The following ZSCAN5A variants were observed in gnomAD, a reference collection of about 807,000 sequenced individuals.
ZSCAN5A encodes zinc finger and SCAN domain containing 5A.
In ZSCAN5A, 12 loss-of-function variants were observed where a neutral mutation model predicts 23.7. That is an observed-to-expected ratio of 0.51 (90% CI 0.32 to 0.82). The LOEUF is 0.82. Among genes scored for constraint, ZSCAN5A ranks in the 40% least tolerant of loss-of-function variants. The pLI, the probability that ZSCAN5A is intolerant of heterozygous loss-of-function variation, is 0.03. For synonymous variants in ZSCAN5A, 257 were observed against 239.9 expected, an observed-to-expected ratio of 1.07 and a Z score of -0.66; for missense variants, 597 against 617.9, an observed-to-expected ratio of 0.97 and a Z score of 0.36.
At position 56,230,615 on chromosome 19, in the gene ZSCAN5A, A is replaced by ATATG. The variant is rs778155664; in HGVS notation, c.-127-5443_-127-5442insCATA. On this transcript the variant is annotated intron_variant, in intron 2 of 5. Coordinates refer to ENST00000683990, the MANE Select transcript of ZSCAN5A (RefSeq NM_001322064.3). ...CATCTGGCTTTCTTTTTATTTCTTGATGTGTGTGTGTGTGTGTGTGTGTGT... is the reference window on the plus strand; with the variant it reads ...CATCTGGCTTTCTTTTTATTTCTTGATATGTGTGTGTGTGTGTGTGTGTGTGTGT... Among the ~76,000 whole-genome samples the ATATG allele has an allele frequency of 1.0e-2, 1,472 of 147,674 alleles. 26 individuals carry two copies. Among genetic ancestry groups the ATATG allele is most frequent in the African/African-American group, 0.027 (1,069 of 39,458 alleles).
At chr19:56,318,125 G>GTGTGTGTGTGAGAGT (rs1273128880), upstream of ZSCAN5A, 9 of 152,310 alleles carry the variant, frequency 5.9e-5, no homozygotes, top group Admixed American at 2.6e-4. Context: ...GCTGGTGTGT[G>GTGTGTGTGTGAGAGT]TGTGTGTGTG....
intron 2 of ZSCAN5A, among the ~76,000 whole-genome samples, chr19:56,326,825 A>C (rs909001958): frequency 6.6e-6 from 1 of 152,182 alleles, no homozygotes; most frequent in African/African-American, 2.4e-5. Context: ...AATCATGCCA[A>C]GTCTTCTTCA....
intron 2 of ZSCAN5A, chr19:56,321,083 C>T: frequency 1.4e-6 from 1 of 698,572 alleles, no homozygotes. Flanking sequence ...TGAGTATCTG[C>T]AGATTTGGGA....
intron 2 of ZSCAN5A, among the ~76,000 whole-genome samples, chr19:56,361,174 A>G (rs1445194893): frequency 6.6e-6 from 1 of 152,254 alleles, no homozygotes; most frequent in African/African-American, 2.4e-5. Flanking sequence ...CACACCAGTC[A>G]GAATGGCAAT....
chr19:56,248,604 A>G (rs2036122544), intron 2 of ZSCAN5A, among the ~76,000 whole-genome samples: 1 of 152,132 alleles, frequency 6.6e-6, no homozygotes, highest in African/African-American at 2.4e-5. Flanking sequence ...ATTTTTTGAA[A>G]TAATTTTTTG....
chr19:56,322,632 T>C (rs1011287720), intron 2 of ZSCAN5A, among the ~76,000 whole-genome samples: 2 of 152,202 alleles, frequency 1.3e-5, no homozygotes, highest in African/African-American at 2.4e-5. Flanking sequence ...CATCTTGATA[T>C]CTATCTATAG....
At chr19:56,295,121 G>A (rs1205337023) in intron 2 of ZSCAN5A, 2 of 152,154 alleles carry the variant, frequency 1.3e-5, no homozygotes, top group African/African-American at 4.8e-5. Flanking sequence ...CTTTGTGAAT[G>A]TCCTAAAAAC....
chr19:56,222,376 C>T (rs2033345331), intron 5 of ZSCAN5A, 50 bp from the exon 6 acceptor site: 1 of 1,592,984 alleles, frequency 6.3e-7, no homozygotes, highest in Non-Finnish European at 8.5e-7. Flanking sequence ...ATTTTCAATA[C>T]ACCAAACTCA....
At position 56,221,595 on chromosome 19, in the gene ZSCAN5A, G is replaced by A; in HGVS notation, c.1471C>T (p.Pro491Ser). Residue 491 changes from proline (P) to serine (S), a missense_variant, in exon 6 of 6, where the codon CCA becomes TCA. Physicochemically the swap from Pro to Ser is moderately conservative, Grantham distance 74 (BLOSUM62 -1). Coordinates refer to ENST00000683990, the MANE Select transcript of ZSCAN5A (RefSeq NM_001322064.3). ...TGCAATCACTGAGAAGTAGCTTCTG[G>A]ATGTGTTTTCTGGTGGCGTCTTAAC... ...KLLRRHQKTH[P>S]EATSQ The A allele has an allele frequency of 2.5e-6, 4 of 1,603,962 alleles. No homozygotes were observed. Among genetic ancestry groups the A allele is most frequent in the Non-Finnish European group, 3.4e-6 (4 of 1,175,198 alleles).
chr19:56,351,665 C>T lies in ZSCAN5A; in HGVS notation c.-358+11570G>A, dbSNP rs1193336853. Among the ~76,000 whole-genome samples the T allele has an allele frequency of 6.6e-6, 1 of 152,062 alleles. No individual in the cohort carries two copies. The highest frequency in any genetic ancestry group is 1.5e-5 in the Non-Finnish European group (1 of 68,026). On this transcript the variant is annotated intron_variant, in intron 2 of 6. Coordinates refer to the ZSCAN5A transcript ENST00000587340. This position sits in a 1 kb window ranked among gnomAD's most constrained non-coding sequence, Gnocchi z 4.8. Reference sequence around the variant, plus strand: ...TCCACATGTGTCCATGTCGTTAATCCTATCAGCACCAGACCAAAAAGCCTG... The same window carrying T: ...TCCACATGTGTCCATGTCGTTAATCTTATCAGCACCAGACCAAAAAGCCTG...
At chr19:56,241,880 G>C (rs1349346339) in intron 2 of ZSCAN5A, among the ~76,000 whole-genome samples, 1 of 152,134 alleles carries the variant, frequency 6.6e-6, no homozygotes, top group Admixed American at 6.5e-5. Context: ...TGCCTGTGCA[G>C]ATTTGTTACA....
At chr19:56,320,203 C>T in intron 2 of ZSCAN5A, 1 of 646,528 alleles carries the variant, frequency 1.5e-6, no homozygotes, top group Non-Finnish European at 2.9e-6. Context: ...TTCTTATAAT[C>T]ATCTCAATTC....
At chr19:56,346,703 T>C (rs532995126) in intron 2 of ZSCAN5A, among the ~76,000 whole-genome samples, 115 of 151,662 alleles carry the variant, frequency 7.6e-4, no homozygotes, top group African/African-American at 2.7e-3. Flanking sequence ...CTCTATTACT[T>C]TTTTTTATTT....
chr19:56,327,906 GTATA>G (rs2041451000), intron 2 of ZSCAN5A, among the ~76,000 whole-genome samples: 1 of 151,946 alleles, frequency 6.6e-6, no homozygotes, highest in South Asian at 2.1e-4. Context: ...AATATGTGTA[GTATA>G]GATAATTCAT....
chr19:56,350,767 A>C (rs1237223961), intron 2 of ZSCAN5A, among the ~76,000 whole-genome samples: 2 of 152,082 alleles, frequency 1.3e-5, no homozygotes, highest in Non-Finnish European at 2.9e-5. Flanking sequence ...TTGTATCCTA[A>C]CCCTACATTT....
chr19:56,332,712 T>C (rs1472360221), intron 2 of ZSCAN5A, among the ~76,000 whole-genome samples: 1 of 152,204 alleles, frequency 6.6e-6, no homozygotes, highest in Non-Finnish European at 1.5e-5. Context: ...TGTTGCCTAG[T>C]TGCTTTGTAG....
At chr19:56,337,171 G>A (rs1415917256) in intron 2 of ZSCAN5A, among the ~76,000 whole-genome samples, 3 of 152,234 alleles carry the variant, frequency 2.0e-5, no homozygotes, top group Non-Finnish European at 4.4e-5. Flanking sequence ...TCTGTGCCCT[G>A]CCCCCACAGG....
chr19:56,323,743 T>G (rs1477345049), intron 2 of ZSCAN5A, among the ~76,000 whole-genome samples: 1 of 150,134 alleles, frequency 6.7e-6, no homozygotes, highest in Non-Finnish European at 1.5e-5. Flanking sequence ...TCCATGTTGG[T>G]CAGGCTGGTC....
At chr19:56,280,403 A>G (rs1001926564) in intron 2 of ZSCAN5A, among the ~76,000 whole-genome samples, 3 of 152,210 alleles carry the variant, frequency 2.0e-5, no homozygotes, top group Non-Finnish European at 4.4e-5. Flanking sequence ...ATAATCCTTC[A>G]AAGAAAAATT....
Sources: gnomAD v4.1 joint callset for allele counts (sites outside exome capture counted in the v4.1 genomes callset) on GRCh38, gnomAD v4.1.1 for gene constraint, Gnocchi (gnomAD v3.1) non-coding constraint, MANE v1.5 for transcripts, NCBI Gene and HGNC (gene_info 2026-07-23, HGNC 2026-07-21) for gene names.